Variants in ATR observed in about 807,000 individuals in gnomAD.
The protein encoded by ATR is serine/threonine-protein kinase ATR.
Under a neutral mutation model 305.3 loss-of-function variants are expected in ATR, and 142 were observed. The observed-to-expected ratio is 0.47, with a 90% CI of 0.41 to 0.53. The LOEUF is 0.53. Among genes scored for constraint, ATR ranks in the 20% least tolerant of loss-of-function variants. The pLI, the probability that ATR is intolerant of heterozygous loss-of-function variation, is 0.00. For synonymous variants in ATR, 1,050 were observed against 1,068.1 expected (o/e 0.98, Z 0.33); for missense variants, 2,135 against 3,133.1 (o/e 0.68, Z 7.60).
chr3:142,490,569 A>G (rs2031217794), intron 35 of ATR, among the ~76,000 whole-genome samples: 1 of 152,080 alleles, frequency 6.6e-6, no homozygotes, highest in Admixed American at 6.5e-5. Flanking sequence ...ACCTAAGAAA[A>G]CCTTTGCCTA....
chr3:142,462,482 T>C (rs956433539), intron 41 of ATR, among the ~76,000 whole-genome samples: 64 of 152,148 alleles, frequency 4.2e-4, no homozygotes, highest in African/African-American at 1.5e-3. Context: ...TTCTTTTTTT[T>C]TTTTGAGATG....
rs1305717049 is a variant in ATR at position 142,535,198 on chromosome 3, G to A, written c.3827C>T (p.Ser1276Phe). 8.1e-6 allele frequency: 13 copies of A among 1,613,076 alleles called. No homozygotes were observed. The highest frequency in any genetic ancestry group is 1.1e-5 in the Non-Finnish European group (13 of 1,179,364). The change falls in exon 21 of 47, where the codon TCT (serine) becomes TTT (phenylalanine). Residue 1276 changes from serine to phenylalanine, a missense_variant. By Grantham distance (155) the Ser-to-Phe change is radical (BLOSUM62 -2). Transcript: ENST00000350721. ...AGTTGTCTGAAGATCAGTGCTCTCA[G>A]AGGTCTCCTATATACAAAGCACAGA... ...AVLQEYRKET[S>F]ESTDLQTTLQ...
At chr3:142,513,738 T>C in intron 25 of ATR, 100 bp from the exon 26 acceptor site, 1 of 1,232,562 alleles carries the variant, frequency 8.1e-7, no homozygotes, top group South Asian at 1.6e-5. Flanking sequence ...AGTATTCATT[T>C]TTAAATTTAA....
intron 13 of ATR, among the ~76,000 whole-genome samples, chr3:142,550,703 T>C (rs1375054545): frequency 6.6e-6 from 1 of 152,188 alleles, no homozygotes; most frequent in Non-Finnish European, 1.5e-5. Context: ...ATAACCTGTA[T>C]CTTCAGACCA....
Position 142,568,209 on chromosome 3 carries a change from A to C in ATR, c.60-55T>G, listed in dbSNP as rs1279666379. On this transcript the variant is annotated intron_variant, in intron 1 of 46. Transcript: ENST00000350721. ...TTAAAGTGACTCAGTTTCATTTGCAAAAAAAATTTCTCTAAAGTAGAACTC... is the reference window on the plus strand; with the variant it reads ...TTAAAGTGACTCAGTTTCATTTGCACAAAAAATTTCTCTAAAGTAGAACTC... 25 of 1,435,946 alleles carry C rather than the reference A, an allele frequency of 1.7e-5. No individual in the cohort carries two copies. The South Asian group carries it at 1.9e-4, about 11-fold the overall frequency. 89.0% of individuals were successfully genotyped at this position (1,435,946 alleles called of 1,614,324 possible). A position where few individuals can be genotyped will look rare whatever the true frequency, so the allele number is the denominator to read the frequency against.
At chr3:142,450,954 C>A in intron 46 of ATR, 3 of 1,207,242 alleles carry the variant, frequency 2.5e-6, no homozygotes, top group Non-Finnish European at 2.1e-6. Flanking sequence ...AAAAGAAAAA[C>A]CCTTTGCAGA....
Position 142,560,302 on chromosome 3 carries a change from G to A in ATR, c.1502C>T (p.Ala501Val), listed in dbSNP as rs769591527. The A allele has an allele frequency of 1.2e-6, 2 of 1,613,890 alleles. No homozygotes were observed. Among genetic ancestry groups the A allele is most frequent in the South Asian group, 2.2e-5 (2 of 91,076 alleles). ...EGIAVVLQLTALCTVHCSHQN... is the reference protein window; with the variant it reads ...EGIAVVLQLTVLCTVHCSHQN... The stretch of plus-strand genomic sequence containing the variant: ...ATGAGAACAATGAACAGTACACAGA[G>A]CAGTCAGTTGTAAGACAACAGCAAT... The change falls in exon 6 of 47, where the codon GCT becomes GTT. Residue 501 changes from alanine (A) to valine (V), a missense_variant. By Grantham distance (64) the Ala-to-Val change is moderately conservative. Transcript: ENST00000350721.
intron 9 of ATR, 98 bp from the exon 10 acceptor site, chr3:142,556,237 C>A (rs2108472548): frequency 6.6e-7 from 1 of 1,513,740 alleles, no homozygotes. Flanking sequence ...TAAAACAAAG[C>A]CTAGAAGGAA....
chr3:142,555,810 C>A (rs2034648592), intron 10 of ATR, 67 bp downstream of exon 10: 5 of 1,515,490 alleles, frequency 3.3e-6, no homozygotes, highest in Admixed American at 2.0e-5. Flanking sequence ...CAGTCTAATT[C>A]TTTTACTGAT....
In ATR at chr3:142,472,739, G is replaced by C. The variant is rs555406125; in HGVS notation, c.6222-2556C>G. On this transcript the variant is annotated intron_variant, in intron 36 of 46. Coordinates refer to ENST00000350721, the MANE Select transcript of ATR (RefSeq NM_001184.4). The stretch of plus-strand genomic sequence containing the variant: ...TGCAACCTCCACCTCCTAGGCTAAA[G>C]TGATGCCCCTGCCTCAGCCTCCTGA... 9.7e-4 allele frequency among the ~76,000 whole-genome samples: 148 copies of C among 152,248 alleles called. 2 individuals carry two copies. Among genetic ancestry groups the C allele is most frequent in the African/African-American group, 3.4e-3 (143 of 41,532 alleles).
chr3:142,564,999 G>T (rs990105404), intron 3 of ATR, among the ~76,000 whole-genome samples: 1 of 152,046 alleles, frequency 6.6e-6, no homozygotes, highest in Non-Finnish European at 1.5e-5. Context: ...GGCTGGTCTC[G>T]AACTCCCAAA....
At chr3:142,493,358 T>C (rs747749067) in intron 34 of ATR, 47 bp from the exon 35 acceptor site, 116 of 1,522,292 alleles carry the variant, frequency 7.6e-5, no homozygotes, top group Non-Finnish European at 9.9e-5. Context: ...AAAAACATAC[T>C]TCTATTTTCT....
intron 17 of ATR, among the ~76,000 whole-genome samples, chr3:142,541,474 G>A (rs887882677): frequency 5.3e-5 from 8 of 152,164 alleles, no homozygotes; most frequent in African/African-American, 1.2e-4. Context: ...CAGTAGTTAA[G>A]GAAATTTTTG....
At chr3:142,485,644 A>C (rs1426210801) in intron 35 of ATR, among the ~76,000 whole-genome samples, 2 of 152,242 alleles carry the variant, frequency 1.3e-5, no homozygotes, top group African/African-American at 2.4e-5. Context: ...GTATATACAC[A>C]TATATCATGA....
intron 31 of ATR, 101 bp from the exon 32 acceptor site, chr3:142,498,875 G>T: frequency 8.5e-7 from 1 of 1,181,442 alleles, no homozygotes. Context: ...TCAAACAGGT[G>T]GCTTCATTCC....
At chr3:142,565,820 A>G (rs570129912) in intron 3 of ATR, among the ~76,000 whole-genome samples, 1 of 152,006 alleles carries the variant, frequency 6.6e-6, no homozygotes, top group East Asian at 1.9e-4. Flanking sequence ...TGTGGACTAC[A>G]GCTTGCCAAG....
At position 142,560,577 on chromosome 3, in the gene ATR, G is replaced by A. The variant is rs879176484; in HGVS notation, c.1350-123C>T. 2.4e-5 allele frequency: 17 copies of A among 701,706 alleles called. No homozygotes were observed. In the South Asian group the frequency reaches 3.1e-4, roughly 13 times the overall value. 43.5% of individuals were successfully genotyped at this position (701,706 alleles called of 1,614,324 possible). ...CTATTCAAAAAAATTTTTTTTTTTT[G>A]TGAGACAGAGTCTCACTCTGTCTCC... On this transcript the variant is annotated intron_variant, in intron 5 of 46. Transcript: ENST00000350721.
At chr3:142,504,979 G>A (rs970364233) in intron 29 of ATR, among the ~76,000 whole-genome samples, 160 bp downstream of exon 29, 2 of 152,056 alleles carry the variant, frequency 1.3e-5, no homozygotes, top group African/African-American at 4.8e-5. Flanking sequence ...GGGAGACAGA[G>A]GTTGCAGTGA....
At chr3:142,489,462 G>A (rs2031151293) in intron 35 of ATR, among the ~76,000 whole-genome samples, 2 of 152,066 alleles carry the variant, frequency 1.3e-5, no homozygotes, top group South Asian at 2.1e-4. Context: ...CACCCTTGCC[G>A]TCACTCTCCT....
Sources: allele counts gnomAD v4.1 joint callset (sites outside exome capture counted in the v4.1 genomes callset), GRCh38; gene constraint gnomAD v4.1.1; transcripts MANE v1.5; gene names NCBI Gene and HGNC (gene_info 2026-07-23, HGNC 2026-07-21).